FMN1: variants seen among roughly 807,000 people sequenced by gnomAD.
FMN1 encodes the protein formin 1, also known as formin-1.
Under a neutral mutation model 132.4 loss-of-function variants are expected in FMN1, and 110 were observed. The ratio of observed to expected loss-of-function variants is 0.83; its 90% CI spans 0.71 to 0.97. The LOEUF (loss-of-function observed/expected upper bound fraction) is 0.97, where lower values mean the gene tolerates loss of function less well. Among genes scored for constraint, FMN1 ranks in the 50% least tolerant of loss-of-function variants. The pLI is 0.00. For synonymous variants in FMN1, 722 were observed against 651.7 expected (o/e 1.11, Z -1.64); for missense variants, 1,792 against 1,705.3 (o/e 1.05, Z -0.90).
chr15:33,121,032 A>C (rs1962503424), intron 4 of FMN1, among the ~76,000 whole-genome samples: 1 of 152,148 alleles, frequency 6.6e-6, no homozygotes, highest in Non-Finnish European at 1.5e-5. Context: ...CTCTGCCTTC[A>C]TTCATATAAC....
At chr15:32,843,881 T>C (rs1281393238) in intron 17 of FMN1, among the ~76,000 whole-genome samples, 1 of 152,224 alleles carries the variant, frequency 6.6e-6, no homozygotes, top group Non-Finnish European at 1.5e-5. Context: ...ATGAACTAAC[T>C]AACATCGCAT....
At chr15:33,033,478 A>G (rs1055397984) in intron 6 of FMN1, among the ~76,000 whole-genome samples, 1 of 152,180 alleles carries the variant, frequency 6.6e-6, no homozygotes, top group East Asian at 1.9e-4. Flanking sequence ...CCCCTTTCTT[A>G]GTACAGAAGC....
intron 4 of FMN1, among the ~76,000 whole-genome samples, chr15:33,131,500 C>T (rs1462698997): frequency 6.6e-6 from 1 of 152,158 alleles, no homozygotes. Flanking sequence ...TATACTTTCT[C>T]ACTGTGTGTC....
At chr15:32,839,252 C>T (rs941492451) in intron 17 of FMN1, among the ~76,000 whole-genome samples, 10 of 152,132 alleles carry the variant, frequency 6.6e-5, no homozygotes, top group African/African-American at 2.4e-4. Context: ...ACTGGAACCC[C>T]TCTCCCTGAG....
chr15:32,822,449 G>A (rs553984141), intron 17 of FMN1, among the ~76,000 whole-genome samples: 1 of 152,300 alleles, frequency 6.6e-6, no homozygotes, highest in East Asian at 1.9e-4. Flanking sequence ...TTTAATGACA[G>A]TTTGGTTAAA....
chr15:32,836,687 A>C (rs966915754), intron 17 of FMN1, among the ~76,000 whole-genome samples: 1 of 152,052 alleles, frequency 6.6e-6, no homozygotes, highest in East Asian at 1.9e-4. Context: ...CATCTCCCTC[A>C]GTCTCTCTCT....
At chr15:33,091,643 C>T (rs922641792) in intron 4 of FMN1, among the ~76,000 whole-genome samples, 1 of 152,118 alleles carries the variant, frequency 6.6e-6, no homozygotes. Context: ...GGACAAATGA[C>T]AAAGTCAACA....
In FMN1 at chr15:33,037,774, T is replaced by C. The variant is rs184554321; in HGVS notation, c.2161+27183A>G. Among the ~76,000 whole-genome samples, 135 of 152,358 alleles carry C rather than the reference T, an allele frequency of 8.9e-4. No homozygotes were observed. In the Middle Eastern group the frequency reaches 0.037, roughly 42 times the overall value. On this transcript the variant is annotated intron_variant, in intron 6 of 20. Coordinates refer to ENST00000616417, the MANE Select transcript of FMN1 (RefSeq NM_001277313.2). The stretch of plus-strand genomic sequence containing the variant: ...ATACAGTATTTTTCAAAGTATAAAC[T>C]AGAACGGTGTTCTTCAAACTCTTTT...
intron 4 of FMN1, among the ~76,000 whole-genome samples, chr15:33,103,446 T>C (rs1353984862): frequency 1.3e-5 from 2 of 152,098 alleles, no homozygotes; most frequent in Non-Finnish European, 2.9e-5. Context: ...ACATAAACAC[T>C]GGCTGTTAGA....
chr15:32,861,726 C>T lies in FMN1; in HGVS notation c.3836-4619G>A, dbSNP rs186146261. On this transcript the variant is annotated intron_variant, in intron 16 of 20. Transcript: ENST00000616417. ...GCACTGTATTTACGGAAATATGCCACGGTGCAAATCTCCTGTTTAGAACAT... is the reference window on the plus strand; with the variant it reads ...GCACTGTATTTACGGAAATATGCCATGGTGCAAATCTCCTGTTTAGAACAT... Among the ~76,000 whole-genome samples, 8 of 152,268 alleles carry T rather than the reference C, an allele frequency of 5.3e-5. 1 individual carries two copies. The highest frequency in any genetic ancestry group is 1.9e-4 in the African/African-American group (8 of 41,560).
intron 9 of FMN1, among the ~76,000 whole-genome samples, chr15:32,960,738 G>C (rs1213893341): frequency 6.6e-6 from 1 of 152,052 alleles, no homozygotes; most frequent in Admixed American, 6.6e-5. Flanking sequence ...GCTCACGCCT[G>C]TAATCCCAGC....
intron 6 of FMN1, among the ~76,000 whole-genome samples, chr15:33,018,980 G>C (rs146789529): frequency 0.016 from 2,478 of 152,266 alleles, 59 homozygotes; most frequent in South Asian, 0.088. Flanking sequence ...AAAGGAGTGA[G>C]CAGCAGCAAG....
intron 7 of FMN1, among the ~76,000 whole-genome samples, chr15:32,986,313 G>C (rs906354180): frequency 2.0e-5 from 3 of 152,102 alleles, no homozygotes; most frequent in East Asian, 3.9e-4. Context: ...GAAAACAACA[G>C]TGAGAACCGG....
intron 6 of FMN1, among the ~76,000 whole-genome samples, chr15:33,052,522 T>A (rs2037024267): frequency 6.6e-6 from 1 of 152,174 alleles, no homozygotes; most frequent in East Asian, 1.9e-4. Context: ...ACACCAATTC[T>A]CTGATGTCAA....
At chr15:33,066,524 G>A (rs2037733494) in intron 5 of FMN1, 1 of 1,553,928 alleles carries the variant, frequency 6.4e-7, no homozygotes, top group Non-Finnish European at 8.7e-7. Flanking sequence ...TTTGGAATCA[G>A]AGGGGCCATC....
In FMN1 at chr15:32,766,842, G is replaced by C. The variant is rs895403311; in HGVS notation, c.*7468C>G. 1 of 152,320 alleles carries C rather than the reference G, an allele frequency of 6.6e-6. No homozygotes were observed. The highest frequency in any genetic ancestry group is 1.5e-5 in the Non-Finnish European group (1 of 68,154). 9.4% of individuals were successfully genotyped at this position (152,320 alleles called of 1,614,324 possible). ...GTAAAGTAGGAAAGAAATAGCCATG[G>C]AATATGAAGGAAAAGGACGAGGAAA... is the stretch of plus-strand genomic sequence containing the variant. On this transcript the variant is annotated 3_prime_UTR_variant, in exon 21 of 21. Transcript: ENST00000616417.
chr15:32,838,768 AT>A (rs914296022), intron 17 of FMN1, among the ~76,000 whole-genome samples: 1 of 152,166 alleles, frequency 6.6e-6, no homozygotes, highest in Non-Finnish European at 1.5e-5. Context: ...CCAAATTATT[AT>A]TTTTTCTCCC....
chr15:32,977,813 GA>G (rs2032331727), intron 7 of FMN1, among the ~76,000 whole-genome samples: 1 of 151,574 alleles, frequency 6.6e-6, no homozygotes. Flanking sequence ...TCAGATTCAA[GA>G]AGGTACTCTG....
chr15:33,174,742 T>G (rs1965454615), intron 3 of FMN1, among the ~76,000 whole-genome samples: 1 of 139,166 alleles, frequency 7.2e-6, no homozygotes. Context: ...TAGTTTTCCA[T>G]GTTGCCAGCT....
Sources: gnomAD v4.1 joint callset for allele counts (sites outside exome capture counted in the v4.1 genomes callset) on GRCh38, gnomAD v4.1.1 for gene constraint, MANE v1.5 for transcripts, NCBI Gene and HGNC (gene_info 2026-07-23, HGNC 2026-07-21) for gene names.